KCNN2: variants seen among roughly 807,000 people sequenced by gnomAD.
KCNN2 encodes small conductance calcium-activated potassium channel protein 2.
A neutral mutation model predicts 55.5 loss-of-function variants in KCNN2; 24 were observed. The ratio of observed to expected loss-of-function variants is 0.43; its 90% CI spans 0.31 to 0.61. KCNN2 has a LOEUF of 0.61. Among genes scored for constraint, KCNN2 ranks in the 20% least tolerant of loss-of-function variants. The probability of loss-of-function intolerance (pLI) is 0.08; values close to 1 mark genes in which losing one functional copy is unlikely to be tolerated. For missense variants in KCNN2, 754 were observed against 853.6 expected (o/e 0.88, Z 1.45); for synonymous variants, 431 against 336.1 (o/e 1.28, Z -3.09).
chr5:114,141,342 ATT>A (rs951244115), intron 1 of KCNN2, among the ~76,000 whole-genome samples: 2 of 151,138 alleles, frequency 1.3e-5, no homozygotes, highest in Non-Finnish European at 2.9e-5. Flanking sequence ...ATGTGTTCTC[ATT>A]GTTCAATTCC....
At chr5:114,366,465 A>G (rs1202476962) in intron 2 of KCNN2, among the ~76,000 whole-genome samples, 1 of 152,188 alleles carries the variant, frequency 6.6e-6, no homozygotes, top group African/African-American at 2.4e-5. Context: ...TTCTCCTTTA[A>G]GCTGAAGCTC....
chr5:114,193,799 AGAGAT>A (rs1753497304), intron 1 of KCNN2, among the ~76,000 whole-genome samples: 1 of 151,566 alleles, frequency 6.6e-6, no homozygotes, highest in African/African-American at 2.4e-5. Context: ...AAATAAGAGA[AGAGAT>A]CTTGTTTTAA....
At chr5:114,340,717 CTT>C (rs1214291608) in intron 2 of KCNN2, among the ~76,000 whole-genome samples, 1 of 151,872 alleles carries the variant, frequency 6.6e-6, no homozygotes, top group African/African-American at 2.4e-5. Context: ...TATCTACTCT[CTT>C]AGCAAACTTC....
chr5:114,176,816 C>T (rs1393887393), intron 1 of KCNN2, among the ~76,000 whole-genome samples: 1 of 152,112 alleles, frequency 6.6e-6, no homozygotes, highest in Non-Finnish European at 1.5e-5. Context: ...TGAATAATAA[C>T]TTTTGGAGAT....
rs772419723 is a variant in KCNN2 at position 114,496,112 on chromosome 5, G to C, written c.2306G>C (p.Arg769Pro). ...YDKHVTYNAERSRSSSRRRRS... is the reference protein window; with the variant it reads ...YDKHVTYNAEPSRSSSRRRRS... ...AAGCACGTCACTTACAATGCTGAGCGGTCCCGGTCCTCGTCCAGGAGGCGG... is the reference window on the plus strand; with the variant it reads ...AAGCACGTCACTTACAATGCTGAGCCGTCCCGGTCCTCGTCCAGGAGGCGG... Residue 769 changes from arginine to proline, a missense_variant, in exon 8 of 8, where the codon CGG (arginine) becomes CCG (proline). Around this residue, in one of 4 missense-constraint regions of KCNN2, gnomAD observed 164 missense variants for 156.6 expected, o/e 1.05. Coordinates refer to ENST00000673685, the MANE Select transcript of KCNN2 (RefSeq NM_021614.4). The C allele has an allele frequency of 6.2e-7, 1 of 1,613,974 alleles. No individual in the cohort carries two copies. Among genetic ancestry groups the C allele is most frequent in the Non-Finnish European group, 8.5e-7 (1 of 1,179,954 alleles).
chr5:114,460,777 A>C (rs879865104), intron 3 of KCNN2, among the ~76,000 whole-genome samples: 1 of 152,188 alleles, frequency 6.6e-6, no homozygotes, highest in Non-Finnish European at 1.5e-5. Context: ...CTGAGTACAT[A>C]GTGAACACTC....
intron 1 of KCNN2, among the ~76,000 whole-genome samples, chr5:114,100,219 T>A (rs1580512444): frequency 6.6e-6 from 1 of 151,974 alleles, no homozygotes; most frequent in South Asian, 2.1e-4. Context: ...CCCCCAAGAT[T>A]AAATGACCCA....
chr5:114,281,255 T>A (rs1024524212), intron 2 of KCNN2, among the ~76,000 whole-genome samples: 2 of 152,174 alleles, frequency 1.3e-5, no homozygotes, highest in African/African-American at 4.8e-5. Flanking sequence ...ATTTTGCAGG[T>A]TTCTTTATCC....
intron 1 of KCNN2, among the ~76,000 whole-genome samples, chr5:114,199,074 T>C (rs2112570169): frequency 1.3e-5 from 2 of 152,238 alleles, no homozygotes; most frequent in Middle Eastern, 6.8e-3. Flanking sequence ...TCTTTAGGTC[T>C]AGTAGTATTT....
At chr5:114,090,271 A>C (rs994559926) in intron 1 of KCNN2, among the ~76,000 whole-genome samples, 4 of 152,158 alleles carry the variant, frequency 2.6e-5, no homozygotes, top group Non-Finnish European at 5.9e-5. Flanking sequence ...ATGAGGAAGA[A>C]ATTAGGATAT....
chr5:114,388,113 C>A (rs1580779308), intron 2 of KCNN2, among the ~76,000 whole-genome samples: 1 of 152,186 alleles, frequency 6.6e-6, no homozygotes, highest in East Asian at 1.9e-4. Context: ...TTACAACTTG[C>A]TTTTTTGTAC....
chr5:114,454,015 G>C (rs1265145971), intron 3 of KCNN2, among the ~76,000 whole-genome samples: 1 of 151,956 alleles, frequency 6.6e-6, no homozygotes, highest in Non-Finnish European at 1.5e-5. Context: ...GATGTTCCCT[G>C]CCCTGTGTCC....
intron 1 of KCNN2, among the ~76,000 whole-genome samples, chr5:114,099,858 G>T (rs1310065683): frequency 6.6e-6 from 1 of 151,784 alleles, no homozygotes; most frequent in African/African-American, 2.4e-5. Context: ...ACACAAAAAG[G>T]TGTCTTTTAA....
At position 114,211,671 on chromosome 5, in the gene KCNN2, A is replaced by G. The variant is rs1051039851; in HGVS notation, c.-270-9809A>G. Among the ~76,000 whole-genome samples the G allele has an allele frequency of 7.2e-5, 11 of 152,232 alleles. No individual in the cohort carries two copies. The East Asian group carries it at 1.2e-3, about 16-fold the overall frequency. On this transcript the variant is annotated intron_variant, in intron 1 of 10. Coordinates refer to the KCNN2 transcript ENST00000512097. Reference sequence around the variant, plus strand: ...CAAAACCGATGGCACGAGTTTACCTATATAACAAACCTGTGCATGTACCCT... The same window carrying G: ...CAAAACCGATGGCACGAGTTTACCTGTATAACAAACCTGTGCATGTACCCT...
intron 2 of KCNN2, among the ~76,000 whole-genome samples, chr5:114,289,474 T>A (rs146166705): frequency 8.8e-4 from 134 of 151,920 alleles, no homozygotes; most frequent in African/African-American, 3.2e-3. Flanking sequence ...CCTCGCAGAT[T>A]CAAGTGATTC....
At position 114,333,610 on chromosome 5, in the gene KCNN2, T is replaced by TA. The variant is rs60329622; in HGVS notation, c.-184-27322dup. 6.4e-3 allele frequency among the ~76,000 whole-genome samples: 941 copies of TA among 147,676 alleles called. 12 individuals are homozygous for TA. The highest frequency in any genetic ancestry group is 0.021 in the African/African-American group (840 of 40,038). The stretch of plus-strand genomic sequence containing the variant: ...GCAGTTACTGTTGTTGAGATGTTAG[T>TA]AAAAAAAAAAAAATTGAATTTACCA... On this transcript the variant is annotated intron_variant, in intron 2 of 10. Coordinates refer to the KCNN2 transcript ENST00000512097.
intron 1 of KCNN2, among the ~76,000 whole-genome samples, chr5:114,140,236 T>G (rs1354259117): frequency 6.6e-6 from 1 of 152,226 alleles, no homozygotes; most frequent in African/African-American, 2.4e-5. Context: ...GATCTTGATA[T>G]TAATATCTTT....
intron 1 of KCNN2, among the ~76,000 whole-genome samples, chr5:114,138,105 T>C (rs1752207173): frequency 1.3e-5 from 2 of 151,942 alleles, no homozygotes. Context: ...AGACCAACCA[T>C]TGAAAATCTG....
intron 2 of KCNN2, among the ~76,000 whole-genome samples, chr5:114,327,253 G>T (rs1315307359): frequency 6.6e-6 from 1 of 152,198 alleles, no homozygotes; most frequent in Non-Finnish European, 1.5e-5. Context: ...AGCATCACTG[G>T]TTTTAATTTT....
Sources: allele counts gnomAD v4.1 joint callset (sites outside exome capture counted in the v4.1 genomes callset), GRCh38; gene constraint gnomAD v4.1.1; regional missense constraint gnomAD v4.1.1; transcripts MANE v1.5; gene names NCBI Gene and HGNC (gene_info 2026-07-23, HGNC 2026-07-21).